Variants in TULP4 observed in about 807,000 individuals in gnomAD.
The protein encoded by TULP4 is tubby-related protein 4.
In TULP4, 16 loss-of-function variants were observed where a neutral mutation model predicts 129.0. The ratio of observed to expected loss-of-function variants is 0.12; its 90% confidence interval spans 0.08 to 0.19. The LOEUF (loss-of-function observed/expected upper bound fraction) is 0.19. Among genes scored for constraint, TULP4 ranks in the 10% least tolerant of loss-of-function variants. The pLI is 1.00. For synonymous variants in TULP4, 998 were observed against 854.0 expected (o/e 1.17, Z -2.94); for missense variants, 1,842 against 2,059.1 (o/e 0.89, Z 2.04).
In TULP4 at chr6:158,305,318, T is replaced by TGTGC. The variant is rs1779199446; in HGVS notation, n.117-6730_117-6729insCGTG. 4.6e-5 allele frequency among the ~76,000 whole-genome samples: 5 copies of TGTGC among 107,846 alleles called. No homozygotes were observed. The South Asian group carries it at 1.1e-3, about 23-fold the overall frequency. 70.8% of individuals were successfully genotyped at this position (107,846 alleles called of 152,430 possible). A position where few individuals can be genotyped will look rare whatever the true frequency, so the allele number is the denominator to read the frequency against. On this transcript the variant is annotated intron_variant and non_coding_transcript_variant, in intron 1 of 1. Coordinates refer to the TULP4 transcript ENST00000432358. ...TTTAAGGCTGAATGATATTTCATTC[T>TGTGC]GTGTGCGTGTGTGTGTGTGTGTGTG...
At chr6:158,440,965 T>C (rs1033874091) in intron 3 of TULP4, among the ~76,000 whole-genome samples, 2 of 152,210 alleles carry the variant, frequency 1.3e-5, no homozygotes, top group Admixed American at 1.3e-4. Context: ...AATCACCAAA[T>C]AGAGCACTCA....
chr6:158,427,575 C>A (rs1235636650), intron 2 of TULP4, among the ~76,000 whole-genome samples: 2 of 140,264 alleles, frequency 1.4e-5, no homozygotes, highest in African/African-American at 5.3e-5. Context: ...CTCACTGCAA[C>A]CTCCACCTCC....
Position 158,481,087 on chromosome 6 carries a change from C to A in TULP4, c.1284C>A (p.Asp428Glu), listed in dbSNP as rs772012816. 1 of 1,592,396 alleles carries A rather than the reference C, an allele frequency of 6.3e-7. No homozygotes were observed. Among genetic ancestry groups the A allele is most frequent in the Non-Finnish European group, 8.6e-7 (1 of 1,165,712 alleles). ...TTCCAGATCCGAACAACATGAGAGA[C>A]TTTGTCAGCTACCCATCAGCCGGCA... Reference protein sequence around the residue: ...PPIPDPNNMRDFVSYPSAGNE... With the variant: ...PPIPDPNNMREFVSYPSAGNE... Residue 428 changes from aspartate to glutamate, a missense_variant, in exon 8 of 14, where the codon GAC (aspartate) becomes GAA (glutamate). Physicochemically the swap from Asp to Glu is conservative, Grantham distance 45. Around this residue, in one of 5 missense-constraint regions of TULP4, gnomAD observed 456 missense variants for 534.3 expected, o/e 0.85. Transcript: ENST00000367097.
At chr6:158,374,473 TG>T (rs1175283447) in intron 1 of TULP4, among the ~76,000 whole-genome samples, 3 of 152,192 alleles carry the variant, frequency 2.0e-5, no homozygotes, top group Non-Finnish European at 4.4e-5. Context: ...TATTCTCTCA[TG>T]GGCGCTCTGC....
intron 1 of TULP4, among the ~76,000 whole-genome samples, chr6:158,397,301 C>T (rs1181254177): frequency 1.3e-5 from 2 of 152,178 alleles, no homozygotes; most frequent in African/African-American, 4.8e-5. Flanking sequence ...GCACAGGATA[C>T]CATCACACTT....
At chr6:158,291,888 G>A (rs2128470944) in intron 1 of TULP4, among the ~76,000 whole-genome samples, 1 of 152,152 alleles carries the variant, frequency 6.6e-6, no homozygotes, top group African/African-American at 2.4e-5. Flanking sequence ...TTTAGATAGT[G>A]TTTTGCTTTC....
chr6:158,255,129 C>T (rs1355823620), intron 1 of TULP4, among the ~76,000 whole-genome samples: 1 of 152,144 alleles, frequency 6.6e-6, no homozygotes, highest in South Asian at 2.1e-4. Flanking sequence ...CTTACTCCCT[C>T]ACCCCCACCC....
chr6:158,504,005 C>G lies in TULP4; in HGVS notation c.4342C>G (p.Arg1448Gly), dbSNP rs774682466. Residue 1448 changes from arginine (R) to glycine (G), a missense_variant, in exon 13 of 14, where the codon CGG becomes GGG. This residue lies in a region of TULP4 where 1,089 missense variants were observed against 987.1 expected (regional missense o/e 1.10). Coordinates refer to ENST00000367097, the MANE Select transcript of TULP4 (RefSeq NM_020245.5). ...CGGCGAGCTGGAGGAGGCCAAGTGC[C>G]GGCGGGCCAGTGAGAAGGAGGACGG... Reference protein sequence around the residue: ...AAGELEEAKCRRASEKEDGRL... With the variant: ...AAGELEEAKCGRASEKEDGRL... 39 of 1,612,364 alleles carry G rather than the reference C, an allele frequency of 2.4e-5. No individual in the cohort carries two copies. The highest frequency in any genetic ancestry group is 1.2e-4 in the Admixed American group (7 of 59,764).
chr6:158,495,940 G>A (rs1041566), intron 11 of TULP4, among the ~76,000 whole-genome samples: 39,975 of 152,036 alleles, frequency 0.26, 6,436 homozygotes, highest in East Asian at 0.52. Flanking sequence ...CCTGTCCATG[G>A]CAAGTTTGAA....
chr6:158,467,750 CTCCA>C (rs1439102591), intron 6 of TULP4, among the ~76,000 whole-genome samples: 1 of 152,220 alleles, frequency 6.6e-6, no homozygotes, highest in Non-Finnish European at 1.5e-5. Flanking sequence ...GCTCTTACCA[CTCCA>C]TCCTCCTCTG....
chr6:158,301,739 G>A (rs372965777), intron 1 of TULP4, among the ~76,000 whole-genome samples: 1 of 152,110 alleles, frequency 6.6e-6, no homozygotes, highest in South Asian at 2.1e-4. Context: ...TAGACAACTG[G>A]GCAGTTTGGA....
intron 8 of TULP4, among the ~76,000 whole-genome samples, chr6:158,487,698 A>G (rs1438841741): frequency 6.6e-6 from 1 of 152,264 alleles, no homozygotes; most frequent in Non-Finnish European, 1.5e-5. Context: ...TATGTCATGC[A>G]CTGAATTGCT....
At chr6:158,311,692 A>C (rs1459253904), upstream of TULP4, among the ~76,000 whole-genome samples, 3 of 152,224 alleles carry the variant, frequency 2.0e-5, no homozygotes, top group East Asian at 5.8e-4. Flanking sequence ...ATGCCTGCTT[A>C]AACAGCGACC....
At chr6:158,432,524 A>C (rs192830091) in intron 3 of TULP4, among the ~76,000 whole-genome samples, 48 of 152,174 alleles carry the variant, frequency 3.2e-4, no homozygotes, top group Non-Finnish European at 3.2e-4. Flanking sequence ...GCTATATTGG[A>C]TTATAGTGGG....
At chr6:158,378,933 C>T (rs188087814) in intron 1 of TULP4, among the ~76,000 whole-genome samples, 2 of 152,296 alleles carry the variant, frequency 1.3e-5, no homozygotes, top group Admixed American at 6.5e-5. Flanking sequence ...ATTTTGGAAT[C>T]ATCTTCCCAG....
At chr6:158,352,123 T>C (rs993370292) in intron 1 of TULP4, among the ~76,000 whole-genome samples, 7 of 152,224 alleles carry the variant, frequency 4.6e-5, no homozygotes, top group Non-Finnish European at 8.8e-5. Flanking sequence ...CTTTTGGGGC[T>C]GCAGTCTCAA....
chr6:158,482,550 A>G (rs1421678125), intron 8 of TULP4, among the ~76,000 whole-genome samples: 1 of 152,216 alleles, frequency 6.6e-6, no homozygotes, highest in Non-Finnish European at 1.5e-5. Flanking sequence ...AGGAAGGCAC[A>G]GTGGGAAAAG....
At chr6:158,248,874 C>T (rs1040662649) in intron 1 of TULP4, among the ~76,000 whole-genome samples, 7 of 152,020 alleles carry the variant, frequency 4.6e-5, no homozygotes, top group Non-Finnish European at 1.0e-4. Flanking sequence ...AATCCCAGCA[C>T]GTTGACAGGT....
intron 12 of TULP4, among the ~76,000 whole-genome samples, chr6:158,501,222 C>T (rs1387437593): frequency 6.6e-6 from 1 of 152,204 alleles, no homozygotes; most frequent in Non-Finnish European, 1.5e-5. Flanking sequence ...TGTTGCATGA[C>T]ACTTTCCACA....
Sources: allele counts gnomAD v4.1 joint callset (sites outside exome capture counted in the v4.1 genomes callset), GRCh38; gene constraint gnomAD v4.1.1; regional missense constraint gnomAD v4.1.1; transcripts MANE v1.5; gene names NCBI Gene and HGNC (gene_info 2026-07-23, HGNC 2026-07-21).